TRIM72: variants seen among roughly 807,000 people sequenced by gnomAD.
TRIM72 encodes the protein tripartite motif containing 72, also known as tripartite motif-containing protein 72.
TRIM72 carries 33 observed loss-of-function variants against 31.6 expected under a neutral mutation model. The ratio of observed to expected loss-of-function variants is 1.04; its 90% confidence interval spans 0.79 to 1.40. The LOEUF is 1.40. Ranked by LOEUF, TRIM72 falls within the 40% of genes most tolerant of loss-of-function variation. The pLI is 0.00. For missense variants in TRIM72, 666 were observed against 682.7 expected (o/e 0.98, Z 0.27); for synonymous variants, 301 against 314.4 (o/e 0.96, Z 0.45).
chr16:31,214,802 G>A lies in TRIM72; in HGVS notation c.64G>A (p.Asp22Asn), dbSNP rs1400750879. Residue 22 changes from aspartate to asparagine, a missense_variant, in exon 2 of 7, where the codon GAC becomes AAC. Transcript: ENST00000322122. ...CTGCCCGCTGTGCCTGCAGCTGTTC[G>A]ACGCGCCCGTGACAGCCGAGTGCGG... is the stretch of plus-strand genomic sequence containing the variant. ...LSCPLCLQLF[D>N]APVTAECGHS... 6.3e-7 allele frequency: 1 copy of A among 1,579,418 alleles called. No individual in the cohort carries two copies. The highest frequency in any genetic ancestry group is 8.5e-7 in the Non-Finnish European group (1 of 1,172,358).
At position 31,224,917 on chromosome 16, in the gene TRIM72, T is replaced by A. The variant is rs969537108; in HGVS notation, c.*162T>A. On this transcript the variant is annotated 3_prime_UTR_variant, in exon 7 of 7. Transcript: ENST00000322122. The stretch of plus-strand genomic sequence containing the variant: ...CTGACAAGCGTGGGGTAGGACTGGC[T>A]TGGTGGCTCATGCCTGTAATCCCAG... 1.3e-5 allele frequency: 9 copies of A among 707,854 alleles called. No individual in the cohort carries two copies. The South Asian group carries it at 2.6e-4, about 20-fold the overall frequency. 43.8% of individuals were successfully genotyped at this position (707,854 alleles called of 1,614,324 possible). A position where few individuals can be genotyped will look rare whatever the true frequency, so the allele number is the denominator to read the frequency against.
chr16:31,220,052 C>T (rs897371346), intron 4 of TRIM72, among the ~76,000 whole-genome samples: 10 of 148,468 alleles, frequency 6.7e-5, no homozygotes, highest in African/African-American at 1.0e-4. Flanking sequence ...CGTGAGCCAC[C>T]GCGCCTGGTC....
Position 31,224,804 on chromosome 16 carries a change from G to C in TRIM72, c.*49G>C. Reference sequence around the variant, plus strand: ...GCGCGGGGGCCTGGGTTGAAGCTTAGGTCTCCTTGGTCGGGTCTGACGGGA... The same window carrying C: ...GCGCGGGGGCCTGGGTTGAAGCTTACGTCTCCTTGGTCGGGTCTGACGGGA... On this transcript the variant is annotated 3_prime_UTR_variant, in exon 7 of 7. Coordinates refer to ENST00000322122, the MANE Select transcript of TRIM72 (RefSeq NM_001008274.4). 1 of 1,410,922 alleles carries C rather than the reference G, an allele frequency of 7.1e-7. No homozygotes were observed. Among genetic ancestry groups the C allele is most frequent in the Non-Finnish European group, 9.2e-7 (1 of 1,087,682 alleles). 87.4% of individuals were successfully genotyped at this position (1,410,922 alleles called of 1,614,324 possible).
chr16:31,217,027 A>T (rs1460477849), intron 2 of TRIM72: 2 of 1,611,372 alleles, frequency 1.2e-6, no homozygotes, highest in East Asian at 4.5e-5. Context: ...CTTCGTTCCC[A>T]TGGCTCAGCC....
rs558709120 is a variant in TRIM72, at chr16:31,224,791, GGGTTGAAGCTTA to G, written c.*40_*51del. On this transcript the variant is annotated 3_prime_UTR_variant, in exon 7 of 7. Transcript: ENST00000322122. ...GGGTAGTGGAGGGGCGCGGGGGCCT[GGGTTGAAGCTTA>G]GGTCTCCTTGGTCGGGTCTGACGGG... The G allele has an allele frequency of 1.8e-3, 2,500 of 1,423,946 alleles. 69 individuals carry two copies. In the South Asian group the frequency reaches 0.035, roughly 20 times the overall value. The allele number at this position is 1,423,946 out of a possible 1,614,324, so 88.2% of individuals were successfully genotyped here.
chr16:31,219,012 G>A lies in TRIM72; in HGVS notation c.391-83G>A. 7.6e-7 allele frequency: 1 copy of A among 1,314,752 alleles called. No homozygotes were observed. The highest frequency in any genetic ancestry group is 1.1e-6 in the Non-Finnish European group (1 of 949,624). The allele number at this position is 1,314,752 out of a possible 1,614,324, so 81.4% of individuals were successfully genotyped here. On this transcript the variant is annotated intron_variant, in intron 2 of 6. Coordinates refer to ENST00000322122, the MANE Select transcript of TRIM72 (RefSeq NM_001008274.4). The surrounding 1 kb of genome is among the most constrained non-coding windows in gnomAD (Gnocchi z 4.2). ...GAGGAGGAGCTGGCATTGAGGTTGAGCCACAGAGGGCAGGTTTAGGATGGG... is the reference window on the plus strand; with the variant it reads ...GAGGAGGAGCTGGCATTGAGGTTGAACCACAGAGGGCAGGTTTAGGATGGG...
At position 31,215,582 on chromosome 16, in the gene TRIM72, G is replaced by T. The variant is rs2079504524; in HGVS notation, c.390+454G>T. Among the ~76,000 whole-genome samples the T allele has an allele frequency of 6.6e-6, 1 of 152,188 alleles. No individual in the cohort carries two copies. Among genetic ancestry groups the T allele is most frequent in the South Asian group, 2.1e-4 (1 of 4,834 alleles). ...GGCGCGGCGTTCGGGACCGAGCCAG[G>T]CGGCCGGGGCAGGGTTGTCCCCTTG... is the stretch of plus-strand genomic sequence containing the variant. On this transcript the variant is annotated intron_variant, in intron 2 of 6. Coordinates refer to ENST00000322122, the MANE Select transcript of TRIM72 (RefSeq NM_001008274.4). The surrounding 1 kb of genome is among the most constrained non-coding windows in gnomAD (Gnocchi z 6.3).
intron 6 of TRIM72, among the ~76,000 whole-genome samples, chr16:31,223,786 A>C (rs990842989): frequency 6.6e-6 from 1 of 152,022 alleles, no homozygotes; most frequent in African/African-American, 2.4e-5. Flanking sequence ...ACGTGGCTGT[A>C]GTCCCAGCTA....
chr16:31,224,107 G>A, intron 6 of TRIM72, 74 bp from the exon 7 acceptor site: 2 of 1,510,212 alleles, frequency 1.3e-6, no homozygotes, highest in Middle Eastern at 1.7e-4. Flanking sequence ...AGAGAAAGCT[G>A]GCCTGCAATT....
rs1394194641 is a variant in TRIM72 at position 31,219,687 on chromosome 16, T to G, written c.717+168T>G. Among the ~76,000 whole-genome samples the G allele has an allele frequency of 6.6e-6, 1 of 152,230 alleles. No homozygotes were observed. The highest frequency in any genetic ancestry group is 2.4e-5 in the African/African-American group (1 of 41,456). On this transcript the variant is annotated intron_variant, in intron 4 of 6. Coordinates refer to ENST00000322122, the MANE Select transcript of TRIM72 (RefSeq NM_001008274.4). The surrounding 1 kb of genome is among the most constrained non-coding windows in gnomAD (Gnocchi z 4.2). ...ATGGTTGTTTAGGTTGAGCACTGCA[T>G]AAGGACATTGTATTAAGTGAGCACT...
chr16:31,223,750 T>TA (rs966736994), intron 6 of TRIM72, among the ~76,000 whole-genome samples: 2 of 151,604 alleles, frequency 1.3e-5, no homozygotes, highest in African/African-American at 4.8e-5. Flanking sequence ...TACAAAAACT[T>TA]AAAAAAATTA....
Position 31,219,507 on chromosome 16 carries a change from T to G in TRIM72, c.705T>G (p.Thr235=). ...VLEEVADKPQ[T]EFLMKYCLVT... Reference sequence around the variant, plus strand: ...AGGAGGTGGCGGACAAGCCGCAGACTGAGTTCCTCATGGTGAGCACTGGGT... The same window carrying G: ...AGGAGGTGGCGGACAAGCCGCAGACGGAGTTCCTCATGGTGAGCACTGGGT... The change falls in exon 4 of 7, where the codon ACT becomes ACG. Residue 235 remains threonine, a synonymous_variant. Coordinates refer to ENST00000322122, the MANE Select transcript of TRIM72 (RefSeq NM_001008274.4). The surrounding 1 kb of genome is among the most constrained non-coding windows in gnomAD (Gnocchi z 4.2). The G allele has an allele frequency of 6.2e-7, 1 of 1,611,804 alleles. No individual in the cohort carries two copies. The highest frequency in any genetic ancestry group is 8.5e-7 in the Non-Finnish European group (1 of 1,179,190).
chr16:31,222,938 G>C lies in TRIM72; in HGVS notation c.852G>C (p.Leu284=), dbSNP rs1209064481. The change falls in exon 6 of 7, where the codon CTG becomes CTC. Residue 284 remains leucine (L), a synonymous_variant. Coordinates refer to ENST00000322122, the MANE Select transcript of TRIM72 (RefSeq NM_001008274.4). ...FQVWRKMFRA[L]MPALEELTFD... ...TGTGGAGGAAGATGTTCCGGGCTCT[G>C]ATGCCAGGTACCGGGAGGGACTGGC... 1.0e-5 allele frequency: 16 copies of C among 1,579,008 alleles called. No homozygotes were observed. Among genetic ancestry groups the C allele is most frequent in the Non-Finnish European group, 1.4e-5 (16 of 1,164,994 alleles).
chr16:31,215,003 C>T lies in TRIM72; in HGVS notation c.265C>T (p.His89Tyr), dbSNP rs2079500470. 3 of 1,500,914 alleles carry T rather than the reference C, an allele frequency of 2.0e-6. No homozygotes were observed. Among genetic ancestry groups the T allele is most frequent in the African/African-American group, 2.9e-5 (2 of 69,160 alleles). The allele number at this position is 1,500,914 out of a possible 1,614,324, so 93.0% of individuals were successfully genotyped here. ...GGTGCCGCAGGGCCACTGCGAGGAG[C>T]ACCTGGACCCGCTGAGCATCTACTG... ...AQVPQGHCEE[H>Y]LDPLSIYCEQ... The change falls in exon 2 of 7, where the codon CAC becomes TAC. Residue 89 changes from histidine (H) to tyrosine (Y), a missense_variant. Transcript: ENST00000322122. This position sits in a 1 kb window ranked among gnomAD's most constrained non-coding sequence, Gnocchi z 6.3.
At chr16:31,214,670 C>T in intron 1 of TRIM72, 62 bp from the exon 2 acceptor site, 3 of 1,413,016 alleles carry the variant, frequency 2.1e-6, no homozygotes, top group Non-Finnish European at 2.7e-6. Context: ...TAGGGCTGGG[C>T]CAGGGCTGGG....
chr16:31,219,646 G>T lies in TRIM72; in HGVS notation c.717+127G>T. 2 of 825,502 alleles carry T rather than the reference G, an allele frequency of 2.4e-6. No homozygotes were observed. The highest frequency in any genetic ancestry group is 3.9e-6 in the Non-Finnish European group (2 of 511,994). The allele number at this position is 825,502 out of a possible 1,614,324, so 51.1% of individuals were successfully genotyped here. On this transcript the variant is annotated intron_variant, in intron 4 of 6. Coordinates refer to ENST00000322122, the MANE Select transcript of TRIM72 (RefSeq NM_001008274.4). This position sits in a 1 kb window ranked among gnomAD's most constrained non-coding sequence, Gnocchi z 4.2. ...AGCAGCACACAGCCGGGAGGGGCAGGCCTCAGGACTGCTATATGGTTGTTT... is the reference window on the plus strand; with the variant it reads ...AGCAGCACACAGCCGGGAGGGGCAGTCCTCAGGACTGCTATATGGTTGTTT...
chr16:31,214,982 C>T lies in TRIM72; in HGVS notation c.244C>T (p.Pro82Ser). The stretch of plus-strand genomic sequence containing the variant: ...CCTGGTGGAGGGGCTGGCCCAGGTG[C>T]CGCAGGGCCACTGCGAGGAGCACCT... ...ARLVEGLAQV[P>S]QGHCEEHLDP... The change falls in exon 2 of 7, where the codon CCG (proline) becomes TCG (serine). Residue 82 changes from proline (P) to serine (S), a missense_variant. Physicochemically the swap from Pro to Ser is moderately conservative, Grantham distance 74. Transcript: ENST00000322122. The T allele has an allele frequency of 1.3e-6, 2 of 1,492,960 alleles. No homozygotes were observed. The highest frequency in any genetic ancestry group is 1.8e-6 in the Non-Finnish European group (2 of 1,129,352). The allele number at this position is 1,492,960 out of a possible 1,614,324, so 92.5% of individuals were successfully genotyped here.
chr16:31,218,843 C>T (rs1011608567), intron 2 of TRIM72, among the ~76,000 whole-genome samples: 6 of 152,080 alleles, frequency 3.9e-5, no homozygotes, highest in Admixed American at 1.3e-4. Flanking sequence ...GTGTGAGACC[C>T]TGTCTCAAAA....
Position 31,219,187 on chromosome 16 carries a change from G to T in TRIM72, c.483G>T (p.Val161=). The change falls in exon 3 of 7, where the codon GTG becomes GTT. Residue 161 remains valine (V), a synonymous_variant. Coordinates refer to ENST00000322122, the MANE Select transcript of TRIM72 (RefSeq NM_001008274.4). The surrounding 1 kb of genome is among the most constrained non-coding windows in gnomAD (Gnocchi z 4.2). ...TGCTGGAGCATCAGCTGGTGGAGGT[G>T]GAGGTGAGGACTTCACAGGGCCATG... The part of the protein sequence containing the change: ...VAVLEHQLVE[V]EETVRQFRGA... 1 of 1,613,158 alleles carries T rather than the reference G, an allele frequency of 6.2e-7. No individual in the cohort carries two copies. Among genetic ancestry groups the T allele is most frequent in the Non-Finnish European group, 8.5e-7 (1 of 1,179,654 alleles).
Sources: allele counts gnomAD v4.1 joint callset (sites outside exome capture counted in the v4.1 genomes callset), GRCh38; gene constraint gnomAD v4.1.1; non-coding constraint Gnocchi (gnomAD v3.1); transcripts MANE v1.5; gene names NCBI Gene and HGNC (gene_info 2026-07-23, HGNC 2026-07-21).